The following CNTNAP2 variants were observed in gnomAD, a reference collection of about 807,000 sequenced individuals.
CNTNAP2 encodes contactin-associated protein-like 2.
Under a neutral mutation model 155.2 loss-of-function variants are expected in CNTNAP2, and 98 were observed. The ratio of observed to expected loss-of-function variants is 0.63; its 90% CI spans 0.54 to 0.75. CNTNAP2 has a LOEUF of 0.75. Ranked by LOEUF, CNTNAP2 falls within the 30% of genes least tolerant of loss-of-function variation. CNTNAP2 has a pLI of 0.00. For synonymous variants in CNTNAP2, 651 were observed against 631.2 expected, an observed-to-expected ratio of 1.03 and a Z score of -0.47; for missense variants, 1,727 against 1,688.1, an observed-to-expected ratio of 1.02 and a Z score of -0.40.
chr7:146,732,985 G>A lies in CNTNAP2; in HGVS notation c.98-41286G>A, dbSNP rs73740838. ...GGATACAGGGTGAAAGTGTGACTGT[G>A]TATGTATAAAAGAAACTACATTTTC... On this transcript the variant is annotated intron_variant, in intron 1 of 23. Transcript: ENST00000361727. 9.5e-4 allele frequency among the ~76,000 whole-genome samples: 144 copies of A among 152,166 alleles called. 2 individuals carry two copies. Among genetic ancestry groups the A allele is most frequent in the African/African-American group, 3.2e-3 (134 of 41,550 alleles).
At chr7:146,741,501 GT>G (rs1273117670) in intron 1 of CNTNAP2, among the ~76,000 whole-genome samples, 2 of 152,162 alleles carry the variant, frequency 1.3e-5, no homozygotes, top group African/African-American at 4.8e-5. Context: ...ATACATAATA[GT>G]GTATTGGCAA....
At chr7:146,457,688 A>G (rs962964445) in intron 1 of CNTNAP2, among the ~76,000 whole-genome samples, 3 of 150,634 alleles carry the variant, frequency 2.0e-5, no homozygotes, top group Non-Finnish European at 4.4e-5. Context: ...TATTTTTAGT[A>G]GAGACTGGGT....
rs79223575 is a variant in CNTNAP2 at position 147,490,981 on chromosome 7, G to A, written c.1777+4940G>A. Reference sequence around the variant, plus strand: ...CATGAGAATAGCATGGAGGAACTTCGCCCATGATCCAATCACCTCCCTCCC... The same window carrying A: ...CATGAGAATAGCATGGAGGAACTTCACCCATGATCCAATCACCTCCCTCCC... On this transcript the variant is annotated intron_variant, in intron 11 of 23. Transcript: ENST00000361727. 8.2e-3 allele frequency among the ~76,000 whole-genome samples: 1,250 copies of A among 152,190 alleles called. 18 individuals carry two copies. Among genetic ancestry groups the A allele is most frequent in the African/African-American group, 0.028 (1,166 of 41,524 alleles).
intron 13 of CNTNAP2, among the ~76,000 whole-genome samples, chr7:147,733,759 G>T (rs368473944): frequency 6.6e-6 from 1 of 152,070 alleles, no homozygotes. Context: ...GGATTCCTAG[G>T]TATTTTATTC....
rs767083414 is a variant in CNTNAP2 at position 147,300,098 on chromosome 7, G to T, written c.1349-43G>T. The T allele has an allele frequency of 2.5e-6, 4 of 1,600,062 alleles. No homozygotes were observed. The East Asian group carries it at 8.9e-5, about 36-fold the overall frequency. On this transcript the variant is annotated intron_variant, in intron 8 of 23. Coordinates refer to ENST00000361727, the MANE Select transcript of CNTNAP2 (RefSeq NM_014141.6). ...TGATTTTGGAAATTGTGTTCAGCTG[G>T]GTAATTTTAAGATAAAAATGACTTT...
At chr7:148,308,551 GTATTTATT>G (rs72136288) in intron 21 of CNTNAP2, among the ~76,000 whole-genome samples, 41,390 of 148,158 alleles carry the variant, frequency 0.28, 6,125 homozygotes, top group Middle Eastern at 0.35. Flanking sequence ...ACCTATTTAT[GTATTTATT>G]TATTTATTTA....
chr7:148,092,106 T>C (rs537128432), intron 15 of CNTNAP2, among the ~76,000 whole-genome samples: 6 of 152,328 alleles, frequency 3.9e-5, no homozygotes, highest in African/African-American at 1.4e-4. Context: ...TACACTCATG[T>C]AAGGAAAGCA....
intron 13 of CNTNAP2, among the ~76,000 whole-genome samples, chr7:147,802,034 G>T (rs1465623318): frequency 6.6e-6 from 1 of 151,370 alleles, no homozygotes; most frequent in Admixed American, 6.6e-5. Context: ...TGGCTGCCGG[G>T]CGGAGGGGCT....
At chr7:146,649,794 G>A (rs1345829878) in intron 1 of CNTNAP2, among the ~76,000 whole-genome samples, 2 of 151,646 alleles carry the variant, frequency 1.3e-5, no homozygotes, top group East Asian at 1.9e-4. Context: ...CTATTTCTTG[G>A]GATATTCCTA....
At chr7:146,210,427 CT>C (rs1799016104) in intron 1 of CNTNAP2, among the ~76,000 whole-genome samples, 1 of 152,132 alleles carries the variant, frequency 6.6e-6, no homozygotes, top group African/African-American at 2.4e-5. Context: ...CCTCAGCTTC[CT>C]GAGCAGCTGG....
intron 1 of CNTNAP2, among the ~76,000 whole-genome samples, chr7:146,448,770 C>A (rs915042352): frequency 5.9e-5 from 9 of 152,064 alleles, no homozygotes; most frequent in African/African-American, 2.2e-4. Flanking sequence ...TAGAACTATT[C>A]TGTTAACACA....
intron 1 of CNTNAP2, among the ~76,000 whole-genome samples, chr7:146,523,011 A>G (rs1797636645): frequency 6.6e-6 from 1 of 151,690 alleles, no homozygotes. Flanking sequence ...AAATTTTTCC[A>G]TAATTTATTG....
At chr7:146,981,984 C>T (rs985445630) in intron 3 of CNTNAP2, among the ~76,000 whole-genome samples, 1 of 152,108 alleles carries the variant, frequency 6.6e-6, no homozygotes, top group Non-Finnish European at 1.5e-5. Flanking sequence ...AAGCATAAAC[C>T]AGCGAGTGTT....
chr7:146,582,477 G>A (rs963176594), intron 1 of CNTNAP2, among the ~76,000 whole-genome samples: 3 of 152,070 alleles, frequency 2.0e-5, no homozygotes, highest in East Asian at 1.9e-4. Flanking sequence ...AATAAGGGAC[G>A]TGCCATAGAT....
rs62503479 is a variant in CNTNAP2 at position 146,311,460 on chromosome 7, T to G, written c.97+194487T>G. Among the ~76,000 whole-genome samples the G allele has an allele frequency of 4.4e-3, 673 of 151,948 alleles. 5 individuals are homozygous for G. The highest frequency in any genetic ancestry group is 7.9e-3 in the Non-Finnish European group (534 of 67,918). On this transcript the variant is annotated intron_variant, in intron 1 of 23. Coordinates refer to ENST00000361727, the MANE Select transcript of CNTNAP2 (RefSeq NM_014141.6). The stretch of plus-strand genomic sequence containing the variant: ...GATTGCTTCTTATGACAAATCAACA[T>G]TGTTTATTAAAAATATGAGATTTTA...
chr7:146,400,111 C>G (rs901268114), intron 1 of CNTNAP2, among the ~76,000 whole-genome samples: 1 of 152,096 alleles, frequency 6.6e-6, no homozygotes, highest in Non-Finnish European at 1.5e-5. Context: ...ACCTCCCTCC[C>G]TCCCTCCATC....
intron 1 of CNTNAP2, among the ~76,000 whole-genome samples, chr7:146,223,825 T>TTCCA (rs1799247413): frequency 6.6e-6 from 1 of 152,186 alleles, no homozygotes; most frequent in African/African-American, 2.4e-5. Context: ...CCTAAAGAGG[T>TTCCA]TATTACCAAG....
chr7:146,543,018 T>A (rs993755502), intron 1 of CNTNAP2, among the ~76,000 whole-genome samples: 2 of 151,880 alleles, frequency 1.3e-5, no homozygotes, highest in African/African-American at 4.8e-5. Flanking sequence ...CTATAGTTAA[T>A]AATAATGTAG....
chr7:146,913,334 A>G (rs1025113263), intron 3 of CNTNAP2, among the ~76,000 whole-genome samples: 19 of 152,100 alleles, frequency 1.2e-4, no homozygotes, highest in Admixed American at 1.0e-3. Context: ...CTGGAATGCC[A>G]AGCTAAGGGG....
Sources: gnomAD v4.1 joint callset for allele counts (sites outside exome capture counted in the v4.1 genomes callset) on GRCh38, gnomAD v4.1.1 for gene constraint, MANE v1.5 for transcripts, NCBI Gene and HGNC (gene_info 2026-07-23, HGNC 2026-07-21) for gene names.